Variants in NKAIN2 observed in about 807,000 individuals in gnomAD.
The protein encoded by NKAIN2 is sodium/potassium-transporting ATPase subunit beta-1-interacting protein 2.
NKAIN2 carries 14 observed loss-of-function variants against 32.6 expected under a neutral mutation model. The observed-to-expected ratio is 0.43, with a 90% CI of 0.28 to 0.67. NKAIN2 has a LOEUF of 0.67. Among genes scored for constraint, NKAIN2 ranks in the 30% least tolerant of loss-of-function variants. NKAIN2 has a pLI of 0.17. For missense variants in NKAIN2, 198 were observed against 258.3 expected (o/e 0.77, Z 1.60); for synonymous variants, 80 against 87.2 (o/e 0.92, Z 0.46).
chr6:124,236,360 C>T (rs901985440), intron 1 of NKAIN2, among the ~76,000 whole-genome samples: 20 of 152,136 alleles, frequency 1.3e-4, no homozygotes, highest in African/African-American at 3.4e-4. Flanking sequence ...GCAGAGGTCA[C>T]GTGTGGGTCG....
intron 3 of NKAIN2, among the ~76,000 whole-genome samples, chr6:124,647,408 G>A (rs779793861): frequency 4.2e-5 from 6 of 142,048 alleles, no homozygotes; most frequent in Non-Finnish European, 7.5e-5. Context: ...TTAGCCAGAC[G>A]TGCTCACTTG....
At chr6:124,091,952 C>T (rs1784444116) in intron 1 of NKAIN2, among the ~76,000 whole-genome samples, 1 of 151,968 alleles carries the variant, frequency 6.6e-6, no homozygotes, top group East Asian at 1.9e-4. Flanking sequence ...CGTCTTACTT[C>T]TTTTCACCTA....
At chr6:124,350,770 G>A (rs1444738508) in intron 2 of NKAIN2, among the ~76,000 whole-genome samples, 5 of 152,118 alleles carry the variant, frequency 3.3e-5, no homozygotes, top group African/African-American at 1.2e-4. Flanking sequence ...AATTACTCTG[G>A]AAAAAAGAGG....
At chr6:124,792,443 A>G (rs1227456985) in intron 5 of NKAIN2, among the ~76,000 whole-genome samples, 1 of 152,156 alleles carries the variant, frequency 6.6e-6, no homozygotes, top group African/African-American at 2.4e-5. Flanking sequence ...TATAAAAGGA[A>G]ATAATGGTCC....
chr6:124,656,280 A>G (rs1784536596), intron 3 of NKAIN2, among the ~76,000 whole-genome samples: 1 of 152,210 alleles, frequency 6.6e-6, no homozygotes, highest in Non-Finnish European at 1.5e-5. Flanking sequence ...TAGTTTCCAA[A>G]GAAGTCTGTG....
At chr6:124,273,941 C>A (rs984741045) in intron 1 of NKAIN2, among the ~76,000 whole-genome samples, 4 of 152,130 alleles carry the variant, frequency 2.6e-5, no homozygotes, top group African/African-American at 9.7e-5. Context: ...TGTTCTGGTT[C>A]TTCTGAGAAG....
In NKAIN2 at chr6:124,770,076, G is replaced by A. The variant is rs563869082; in HGVS notation, c.475-21263G>A. On this transcript the variant is annotated intron_variant, in intron 4 of 6. Coordinates refer to ENST00000368417, the MANE Select transcript of NKAIN2 (RefSeq NM_001040214.3). ...TTAATAGCTCCCTCAAATGAGAACA[G>A]TCAGCTTCAATAGGGGTTAGAGAAA... 3.3e-5 allele frequency among the ~76,000 whole-genome samples: 5 copies of A among 152,252 alleles called. No individual in the cohort carries two copies. The East Asian group carries it at 9.7e-4, about 29-fold the overall frequency.
intron 3 of NKAIN2, among the ~76,000 whole-genome samples, chr6:124,514,801 C>A (rs1778843774): frequency 6.6e-6 from 1 of 151,138 alleles, no homozygotes; most frequent in South Asian, 2.1e-4. Context: ...TGGATCTTAC[C>A]CACGGAATTC....
chr6:124,287,754 G>A (rs1582993949), intron 2 of NKAIN2, among the ~76,000 whole-genome samples: 1 of 152,128 alleles, frequency 6.6e-6, no homozygotes, highest in Admixed American at 6.5e-5. Flanking sequence ...GAAGTAGAAT[G>A]TGATCTGAGA....
At chr6:123,826,014 T>C (rs1023020613) in intron 1 of NKAIN2, among the ~76,000 whole-genome samples, 6 of 152,160 alleles carry the variant, frequency 3.9e-5, no homozygotes, top group African/African-American at 1.4e-4. Flanking sequence ...GATAACTACT[T>C]TTAGTGTCTT....
intron 3 of NKAIN2, among the ~76,000 whole-genome samples, chr6:124,484,029 C>A (rs1171468907): frequency 6.6e-6 from 1 of 152,198 alleles, no homozygotes; most frequent in Non-Finnish European, 1.5e-5. Flanking sequence ...TCAGGAGCAC[C>A]ATACTAGAGT....
At chr6:124,771,751 T>A (rs1265813007) in intron 4 of NKAIN2, among the ~76,000 whole-genome samples, 1 of 152,140 alleles carries the variant, frequency 6.6e-6, no homozygotes, top group Non-Finnish European at 1.5e-5. Flanking sequence ...GAATCTAAAT[T>A]TTTTTTAAAA....
chr6:123,906,227 A>G (rs1774858347), intron 1 of NKAIN2, among the ~76,000 whole-genome samples: 1 of 151,116 alleles, frequency 6.6e-6, no homozygotes, highest in African/African-American at 2.4e-5. Context: ...GGTAAATTAT[A>G]TCCTAGTGGA....
intron 1 of NKAIN2, among the ~76,000 whole-genome samples, chr6:123,855,482 A>C (rs373959967): frequency 6.6e-6 from 1 of 152,198 alleles, no homozygotes. Flanking sequence ...ATTGACCCAG[A>C]AGTGATGAGT....
Position 123,907,514 on chromosome 6 carries a change from A to T in NKAIN2, c.54+103260A>T, listed in dbSNP as rs574129787. Among the ~76,000 whole-genome samples the T allele has an allele frequency of 1.4e-4, 22 of 152,244 alleles. No homozygotes were observed. In the East Asian group the frequency reaches 4.1e-3, roughly 28 times the overall value. On this transcript the variant is annotated intron_variant, in intron 1 of 6. Transcript: ENST00000368417. ...ATTTCCCAGATTATTATGTAAATAT[A>T]TGGGACTGGAACCCCAGTTTTCCAT...
At position 123,806,880 on chromosome 6, in the gene NKAIN2, G is replaced by GC. The variant is rs1773238524; in HGVS notation, c.54+2626_54+2627insC. Among the ~76,000 whole-genome samples, 15 of 152,080 alleles carry GC rather than the reference G, an allele frequency of 9.9e-5. No individual in the cohort carries two copies. The South Asian group carries it at 3.1e-3, about 31-fold the overall frequency. ...CTCCAGTCCTCGGAGCAAAGTATTT[G>GC]TATTTTAAATAAATTTAAGGGAATA... On this transcript the variant is annotated intron_variant, in intron 1 of 6. Transcript: ENST00000368417.
At position 124,518,618 on chromosome 6, in the gene NKAIN2, G is replaced by T. The variant is rs185420679; in HGVS notation, c.274-139568G>T. The stretch of plus-strand genomic sequence containing the variant: ...GCAAAGATAGTACCAAGCCATGATA[G>T]GTCTACCCCCATGACTCAAACACTT... On this transcript the variant is annotated intron_variant, in intron 3 of 6. Transcript: ENST00000368417. Among the ~76,000 whole-genome samples the T allele has an allele frequency of 8.5e-5, 13 of 152,138 alleles. No individual in the cohort carries two copies. In the East Asian group the frequency reaches 2.5e-3, roughly 29 times the overall value.
chr6:123,938,445 T>C (rs1270519117), intron 1 of NKAIN2, among the ~76,000 whole-genome samples: 17 of 46,202 alleles, frequency 3.7e-4, no homozygotes, highest in South Asian at 2.4e-3. Flanking sequence ...TATATATATA[T>C]ATATATACAC....
chr6:124,154,385 T>C (rs1343226546), intron 1 of NKAIN2, among the ~76,000 whole-genome samples: 1 of 151,928 alleles, frequency 6.6e-6, no homozygotes, highest in Non-Finnish European at 1.5e-5. Context: ...TAAGGTTTTT[T>C]CCTTGACAGA....
Sources: gnomAD v4.1 joint callset for allele counts (sites outside exome capture counted in the v4.1 genomes callset) on GRCh38, gnomAD v4.1.1 for gene constraint, MANE v1.5 for transcripts, NCBI Gene and HGNC (gene_info 2026-07-23, HGNC 2026-07-21) for gene names.